Variants in GRID2 observed in about 807,000 individuals in gnomAD.
GRID2 encodes glutamate ionotropic receptor delta type subunit 2, also known as glutamate receptor ionotropic, delta-2.
A neutral mutation model predicts 114.8 loss-of-function variants in GRID2; 33 were observed. That is an observed-to-expected ratio of 0.29 (90% CI 0.22 to 0.38). GRID2 has a LOEUF of 0.38. Among genes scored for constraint, GRID2 ranks in the 10% least tolerant of loss-of-function variants. The probability of loss-of-function intolerance (pLI) is 1.00; values close to 1 mark genes in which losing one functional copy is unlikely to be tolerated. For synonymous variants in GRID2, 505 were observed against 449.9 expected (o/e 1.12, Z -1.55); for missense variants, 1,184 against 1,257.7 (o/e 0.94, Z 0.89).
intron 2 of GRID2, among the ~76,000 whole-genome samples, chr4:92,986,991 A>G (rs1754544963): frequency 6.6e-6 from 1 of 152,150 alleles, no homozygotes; most frequent in African/African-American, 2.4e-5. Flanking sequence ...AGTTAATAGA[A>G]AAATAATGTA....
chr4:93,232,392 T>C (rs977505534), intron 7 of GRID2, among the ~76,000 whole-genome samples: 1 of 151,802 alleles, frequency 6.6e-6, no homozygotes, highest in Non-Finnish European at 1.5e-5. Flanking sequence ...TTTTTGTAAT[T>C]ATTTTTAATA....
chr4:93,604,236 T>G (rs145760780), intron 13 of GRID2, among the ~76,000 whole-genome samples: 1 of 152,298 alleles, frequency 6.6e-6, no homozygotes, highest in African/African-American at 2.4e-5. Context: ...AGGAAGTCCA[T>G]TCCAACCCCC....
intron 14 of GRID2, among the ~76,000 whole-genome samples, chr4:93,715,148 T>C (rs1467862908): frequency 6.6e-6 from 1 of 152,220 alleles, no homozygotes; most frequent in Non-Finnish European, 1.5e-5. Flanking sequence ...TTTCTGCCTA[T>C]GGCTAACCAG....
At chr4:92,724,103 T>C (rs962061758) in intron 2 of GRID2, among the ~76,000 whole-genome samples, 4 of 152,124 alleles carry the variant, frequency 2.6e-5, no homozygotes, top group Non-Finnish European at 4.4e-5. Context: ...TAATGGTACA[T>C]GGTACTATAA....
intron 13 of GRID2, among the ~76,000 whole-genome samples, chr4:93,535,806 C>T (rs1261523812): frequency 6.6e-6 from 1 of 151,974 alleles, no homozygotes; most frequent in Non-Finnish European, 1.5e-5. Context: ...AACCCTTCAT[C>T]AGATGTATGG....
chr4:93,769,856 A>C (rs1205966777), intron 15 of GRID2, among the ~76,000 whole-genome samples: 1 of 152,162 alleles, frequency 6.6e-6, no homozygotes, highest in East Asian at 1.9e-4. Context: ...TAGCCCCCCA[A>C]AAATACAATA....
intron 2 of GRID2, chr4:92,822,468 A>T: frequency 2.1e-6 from 1 of 465,904 alleles, no homozygotes; most frequent in South Asian, 1.8e-5. Context: ...AGAAGTGGAC[A>T]TAAGACACCT....
At chr4:92,918,004 G>C (rs1748958347) in intron 2 of GRID2, among the ~76,000 whole-genome samples, 2 of 152,042 alleles carry the variant, frequency 1.3e-5, no homozygotes, top group South Asian at 2.1e-4. Flanking sequence ...TCTTCCATTT[G>C]TTTGTATCCT....
intron 8 of GRID2, among the ~76,000 whole-genome samples, chr4:93,392,975 G>A (rs550298816): frequency 1.3e-5 from 2 of 151,996 alleles, no homozygotes; most frequent in South Asian, 2.1e-4. Context: ...TGTATAAAAA[G>A]CTCAGTACCA....
At chr4:92,946,079 T>C (rs1751605788) in intron 2 of GRID2, among the ~76,000 whole-genome samples, 1 of 152,122 alleles carries the variant, frequency 6.6e-6, no homozygotes, top group Non-Finnish European at 1.5e-5. Flanking sequence ...TTAGGTCTCA[T>C]ATGAGGAGAA....
At chr4:92,470,439 A>G (rs1167200862) in intron 1 of GRID2, among the ~76,000 whole-genome samples, 1 of 152,008 alleles carries the variant, frequency 6.6e-6, no homozygotes, top group Admixed American at 6.6e-5. Flanking sequence ...AAATAATACC[A>G]GTCTCTATTC....
chr4:92,929,865 G>T (rs1290809591), intron 2 of GRID2, among the ~76,000 whole-genome samples: 1 of 151,246 alleles, frequency 6.6e-6, no homozygotes, highest in Non-Finnish European at 1.5e-5. Flanking sequence ...ATGTAAAAGT[G>T]CTTGATACAT....
At chr4:93,448,798 T>C (rs1043220002) in intron 10 of GRID2, among the ~76,000 whole-genome samples, 6 of 7,158 alleles carry the variant, frequency 8.4e-4, no homozygotes, top group East Asian at 0.01. Flanking sequence ...CCCCTTCCCT[T>C]CCCTTCCCTT....
chr4:93,682,790 G>A (rs1255278808), intron 14 of GRID2, among the ~76,000 whole-genome samples: 1 of 148,320 alleles, frequency 6.7e-6, no homozygotes, highest in Non-Finnish European at 1.5e-5. Context: ...GTGGGGTTGG[G>A]GGAGGGGGGA....
At chr4:92,952,941 A>C (rs1578583317) in intron 2 of GRID2, among the ~76,000 whole-genome samples, 1 of 152,286 alleles carries the variant, frequency 6.6e-6, no homozygotes, top group East Asian at 1.9e-4. Flanking sequence ...CATGTAAGAG[A>C]GAAATCTTTG....
At chr4:92,462,940 G>C (rs899652669) in intron 1 of GRID2, among the ~76,000 whole-genome samples, 1 of 151,820 alleles carries the variant, frequency 6.6e-6, no homozygotes, top group African/African-American at 2.4e-5. Flanking sequence ...ATTCTAATTT[G>C]CGTAGATATT....
chr4:92,896,556 T>TTA lies in GRID2; in HGVS notation c.245-188422_245-188421dup, dbSNP rs201766302. 6.1e-3 allele frequency among the ~76,000 whole-genome samples: 898 copies of TTA among 147,660 alleles called. 4 individuals carry two copies. The highest frequency in any genetic ancestry group is 0.012 in the African/African-American group (468 of 40,536). On this transcript the variant is annotated intron_variant, in intron 2 of 15. Transcript: ENST00000282020. ...TTTAAAGTTACCATATTTTATAATA[T>TTA]TATATATATATATATATAGTCAATT...
intron 8 of GRID2, among the ~76,000 whole-genome samples, chr4:93,313,543 A>C (rs892931875): frequency 1.3e-5 from 2 of 152,154 alleles, no homozygotes; most frequent in African/African-American, 4.8e-5. Context: ...TGTGAAACTT[A>C]CTCTTTTATT....
chr4:93,580,924 C>T (rs962726093), intron 13 of GRID2, among the ~76,000 whole-genome samples: 6 of 147,750 alleles, frequency 4.1e-5, no homozygotes, highest in African/African-American at 1.3e-4. Flanking sequence ...GTGCAGATTA[C>T]AGTATTTGCA....
Sources: gnomAD v4.1 joint callset for allele counts (sites outside exome capture counted in the v4.1 genomes callset) on GRCh38, gnomAD v4.1.1 for gene constraint, MANE v1.5 for transcripts, NCBI Gene and HGNC (gene_info 2026-07-23, HGNC 2026-07-21) for gene names.